PREX2: variants seen among roughly 807,000 people sequenced by gnomAD.
PREX2 encodes phosphatidylinositol 3,4,5-trisphosphate-dependent Rac exchanger 2 protein.
In PREX2, 107 loss-of-function variants were observed where a neutral mutation model predicts 203.2. The ratio of observed to expected loss-of-function variants is 0.53; its 90% CI spans 0.45 to 0.62. The LOEUF (loss-of-function observed/expected upper bound fraction) is 0.62. PREX2 is among the 20% of genes least tolerant of loss of function. The pLI is 0.00. For synonymous variants in PREX2, 672 were observed against 663.6 expected, an observed-to-expected ratio of 1.01 and a Z score of -0.19; for missense variants, 1,777 against 1,955.9, an observed-to-expected ratio of 0.91 and a Z score of 1.72.
intron 1 of PREX2, among the ~76,000 whole-genome samples, chr8:67,977,060 C>T (rs138784232): frequency 6.6e-5 from 10 of 152,282 alleles, no homozygotes; most frequent in South Asian, 2.1e-4. Flanking sequence ...TTGTCTCCCC[C>T]CTAAATGTAT....
chr8:68,169,365 A>G (rs1414155382), intron 35 of PREX2, among the ~76,000 whole-genome samples: 1 of 151,982 alleles, frequency 6.6e-6, no homozygotes, highest in African/African-American at 2.4e-5. Context: ...AAGCAAAGTC[A>G]ATGAATTTCA....
intron 11 of PREX2, among the ~76,000 whole-genome samples, chr8:68,068,575 C>T (rs1049616859): frequency 6.6e-6 from 1 of 151,956 alleles, no homozygotes; most frequent in Admixed American, 6.6e-5. Context: ...AAAACAGATA[C>T]GTGGTAAAAT....
intron 35 of PREX2, among the ~76,000 whole-genome samples, chr8:68,187,880 C>A (rs1443523258): frequency 6.6e-6 from 1 of 152,162 alleles, no homozygotes; most frequent in Non-Finnish European, 1.5e-5. Flanking sequence ...AGGCCTCTGG[C>A]CTGCTGGACT....
At chr8:68,113,732 T>G (rs546384892) in intron 25 of PREX2, among the ~76,000 whole-genome samples, 2 of 152,202 alleles carry the variant, frequency 1.3e-5, no homozygotes, top group East Asian at 1.9e-4. Flanking sequence ...TTCCCTGCTT[T>G]CTTTTTCTCC....
intron 1 of PREX2, among the ~76,000 whole-genome samples, chr8:67,967,167 AGTGCCAATT>A (rs1805800932): frequency 6.6e-6 from 1 of 152,206 alleles, no homozygotes; most frequent in Non-Finnish European, 1.5e-5. Context: ...CCAGGAGGAA[AGTGCCAATT>A]GATTTCTTGT....
At chr8:67,962,919 T>A (rs1805672304) in intron 1 of PREX2, among the ~76,000 whole-genome samples, 1 of 152,118 alleles carries the variant, frequency 6.6e-6, no homozygotes, top group Admixed American at 6.5e-5. Context: ...ATTTTATATA[T>A]TTTATATATT....
At chr8:68,149,267 G>A (rs1409248579) in intron 34 of PREX2, among the ~76,000 whole-genome samples, 3 of 152,148 alleles carry the variant, frequency 2.0e-5, no homozygotes, top group Admixed American at 1.3e-4. Context: ...TTCAGAGATG[G>A]GACCAGCTAT....
chr8:67,984,745 A>T (rs1413711237), intron 1 of PREX2, among the ~76,000 whole-genome samples: 1 of 152,120 alleles, frequency 6.6e-6, no homozygotes, highest in Non-Finnish European at 1.5e-5. Context: ...ACAGCTGAGG[A>T]CTCTCGAATG....
chr8:68,038,415 C>A, intron 7 of PREX2, 123 bp downstream of exon 7: 1 of 953,782 alleles, frequency 1.0e-6, no homozygotes, highest in Non-Finnish European at 1.6e-6. Context: ...TCCCAGAGCC[C>A]ATCATCCATC....
At chr8:68,085,858 G>A (rs574486681) in intron 18 of PREX2, among the ~76,000 whole-genome samples, 2 of 152,222 alleles carry the variant, frequency 1.3e-5, no homozygotes, top group African/African-American at 4.8e-5. Context: ...AGATTGAGAG[G>A]CCACTGTGAA....
chr8:68,082,686 T>C (rs1809565560), intron 17 of PREX2: 1 of 152,468 alleles, frequency 6.6e-6, no homozygotes, highest in Admixed American at 6.5e-5. Flanking sequence ...CTGGTTGGCG[T>C]GGAGGGATAA....
In PREX2 at chr8:68,098,938, GTATATATATA is replaced by G. The variant is rs71253061; in HGVS notation, c.2554-714_2554-705del. Among the ~76,000 whole-genome samples the G allele has an allele frequency of 9.3e-3, 1,023 of 109,810 alleles. 11 individuals are homozygous for G. Among genetic ancestry groups the G allele is most frequent in the African/African-American group, 0.034 (905 of 26,416 alleles). The allele number at this position is 109,810 out of a possible 152,430, so 72.0% of individuals were successfully genotyped here. A position where few individuals can be genotyped will look rare whatever the true frequency, so the allele number is the denominator to read the frequency against. On this transcript the variant is annotated intron_variant, in intron 22 of 39. Transcript: ENST00000288368. ...AATCAGAAATGCTACATATATATGT[GTATATATATA>G]TATATATATATATATATATATATAT...
At chr8:68,108,720 C>A (rs1810470894) in intron 24 of PREX2, among the ~76,000 whole-genome samples, 2 of 152,144 alleles carry the variant, frequency 1.3e-5, no homozygotes, top group Admixed American at 6.5e-5. Context: ...AAACTATCCT[C>A]TAGTTTTTAA....
At chr8:68,194,607 A>C (rs1299873809) in intron 37 of PREX2, among the ~76,000 whole-genome samples, 1 of 150,750 alleles carries the variant, frequency 6.6e-6, no homozygotes, top group Admixed American at 6.7e-5. Context: ...ACTCATCAAC[A>C]TGGTGAAACC....
intron 23 of PREX2, among the ~76,000 whole-genome samples, chr8:68,104,979 T>C (rs1810365043): frequency 6.6e-6 from 1 of 152,182 alleles, no homozygotes; most frequent in South Asian, 2.1e-4. Flanking sequence ...TGTTAACCTT[T>C]CCCTGGGAGT....
rs894075216 is a variant in PREX2, at chr8:68,233,295, A to G, written c.*1917A>G. ...TTGTCATGACTGTTTTCTCATCACC[A>G]TCCTGGAAGCAGTAATCCTCATTAG... On this transcript the variant is annotated 3_prime_UTR_variant, in exon 40 of 40. Transcript: ENST00000288368. The G allele has an allele frequency of 6.6e-6, 1 of 152,178 alleles. No homozygotes were observed. The highest frequency in any genetic ancestry group is 2.4e-5 in the African/African-American group (1 of 41,450). 9.4% of individuals were successfully genotyped at this position (152,178 alleles called of 1,614,324 possible). A position where few individuals can be genotyped will look rare whatever the true frequency, so the allele number is the denominator to read the frequency against.
At chr8:68,228,972 G>GAAAAAAATGAAA (rs71253068) in intron 39 of PREX2, among the ~76,000 whole-genome samples, 2,316 of 116,894 alleles carry the variant, frequency 0.02, 53 homozygotes, top group East Asian at 0.15. Context: ...AAAAAAGAAA[G>GAAAAAAATGAAA]AAAAAAATGG....
intron 1 of PREX2, among the ~76,000 whole-genome samples, chr8:67,961,619 A>G (rs1437798658): frequency 6.6e-6 from 1 of 152,150 alleles, no homozygotes; most frequent in Non-Finnish European, 1.5e-5. Flanking sequence ...ATGATGATAC[A>G]TCTAATAATA....
chr8:68,205,543 C>T (rs534627522), intron 37 of PREX2, among the ~76,000 whole-genome samples: 40 of 152,274 alleles, frequency 2.6e-4, no homozygotes, highest in South Asian at 2.1e-4. Flanking sequence ...GTACCAGCAA[C>T]GTGGGGATTG....
Sources: allele counts gnomAD v4.1 joint callset (sites outside exome capture counted in the v4.1 genomes callset), GRCh38; gene constraint gnomAD v4.1.1; transcripts MANE v1.5; gene names NCBI Gene and HGNC (gene_info 2026-07-23, HGNC 2026-07-21).